PLCG2: variants seen among roughly 807,000 people sequenced by gnomAD.
PLCG2 encodes 1-phosphatidylinositol 4,5-bisphosphate phosphodiesterase gamma-2.
A neutral mutation model predicts 175.6 loss-of-function variants in PLCG2; 69 were observed. That is an observed-to-expected ratio of 0.39 (90% CI 0.32 to 0.48). The LOEUF (loss-of-function observed/expected upper bound fraction) is 0.48. Among genes scored for constraint, PLCG2 ranks in the 20% least tolerant of loss-of-function variants. The pLI is 0.91. For missense variants in PLCG2, 1,798 were observed against 1,650.9 expected, an observed-to-expected ratio of 1.09 and a Z score of -1.54; for synonymous variants, 827 against 624.0, an observed-to-expected ratio of 1.33 and a Z score of -4.85.
chr16:81,869,137 G>C (rs1907388583), intron 5 of PLCG2, 77 bp from the exon 6 acceptor site: 1 of 1,044,178 alleles, frequency 9.6e-7, no homozygotes, highest in Admixed American at 1.7e-5. Context: ...GCCTGAGGTG[G>C]GAACTGATGG....
At chr16:81,777,039 A>G (rs764478021), upstream of PLCG2, among the ~76,000 whole-genome samples, 2 of 152,222 alleles carry the variant, frequency 1.3e-5, no homozygotes, top group Admixed American at 6.5e-5. Flanking sequence ...AAAAAAAGCA[A>G]ACTGCCATTT....
At chr16:81,762,476 T>A (rs1360701159) in intron 2 of PLCG2, among the ~76,000 whole-genome samples, 2 of 151,494 alleles carry the variant, frequency 1.3e-5, no homozygotes, top group Non-Finnish European at 2.9e-5. Context: ...GGCTGAGGCA[T>A]GAGAATCGCT....
In PLCG2 at chr16:81,962,675, A is replaced by G. The variant is rs550992405; in HGVS notation, c.*4677A>G. On this transcript the variant is annotated 3_prime_UTR_variant, in exon 33 of 33. Transcript: ENST00000564138. ...TCACATTTTGAAAAATAAAAGTTTCATCTGAATGAATATAGCAATCTGCCC... is the reference window on the plus strand; with the variant it reads ...TCACATTTTGAAAAATAAAAGTTTCGTCTGAATGAATATAGCAATCTGCCC... 1.3e-4 allele frequency: 27 copies of G among 215,626 alleles called. No individual in the cohort carries two copies. The highest frequency in any genetic ancestry group is 5.8e-4 in the African/African-American group (26 of 44,526). 13.4% of individuals were successfully genotyped at this position (215,626 alleles called of 1,614,324 possible).
At chr16:81,826,682 C>T (rs966669837) in intron 2 of PLCG2, among the ~76,000 whole-genome samples, 2 of 152,132 alleles carry the variant, frequency 1.3e-5, no homozygotes, top group African/African-American at 4.8e-5. Flanking sequence ...TAACCTCTGT[C>T]CTTGGCGCTT....
chr16:81,870,742 C>T (rs1186222666), intron 6 of PLCG2, 110 bp from the exon 7 acceptor site: 11 of 578,476 alleles, frequency 1.9e-5, no homozygotes. Context: ...CTTCAGCATG[C>T]CAATAAAATA....
intron 2 of PLCG2, among the ~76,000 whole-genome samples, chr16:81,802,327 T>C (rs1911766134): frequency 6.6e-6 from 1 of 150,766 alleles, no homozygotes; most frequent in Non-Finnish European, 1.5e-5. Context: ...TTAGCCAGGA[T>C]GGTCTCGATC....
intron 28 of PLCG2, 142 bp from the exon 29 acceptor site, chr16:81,938,659 C>G (rs1172067075): frequency 3.3e-6 from 2 of 608,308 alleles, no homozygotes; most frequent in Non-Finnish European, 5.9e-6. Context: ...CAGAAGGTTG[C>G]TCCGGCTTTT....
chr16:81,862,943 G>A (rs1490004876), intron 5 of PLCG2, among the ~76,000 whole-genome samples: 1 of 151,872 alleles, frequency 6.6e-6, no homozygotes, highest in African/African-American at 2.4e-5. Context: ...GAGAGCTGGG[G>A]GAAATGCAGA....
At position 81,946,873 on chromosome 16, in the gene PLCG2, C is replaced by T. The variant is rs925357791; in HGVS notation, c.3570+610C>T. On this transcript the variant is annotated intron_variant, in intron 31 of 32. Transcript: ENST00000564138. ...CTGGGCTTTAGCAGAAGCCTTAAAC[C>T]AGTGAGCATGAAGACCCTTTGCTTA... 1.9e-4 allele frequency among the ~76,000 whole-genome samples: 29 copies of T among 151,432 alleles called. 1 individual carries two copies. The highest frequency in any genetic ancestry group is 1.2e-3 in the Admixed American group (19 of 15,238).
chr16:81,924,777 G>T (rs900498468), intron 22 of PLCG2, among the ~76,000 whole-genome samples: 7 of 152,218 alleles, frequency 4.6e-5, no homozygotes, highest in African/African-American at 1.7e-4. Flanking sequence ...TGCCCTGTTT[G>T]GCCTCCTTGC....
At chr16:81,782,244 A>ATG (rs79198598) in intron 1 of PLCG2, among the ~76,000 whole-genome samples, 128,466 of 151,940 alleles carry the variant, frequency 0.85, 54,381 homozygotes, top group South Asian at 0.95. Context: ...ATACAAGAAA[A>ATG]ACCTTTAGAA....
At chr16:81,945,941 T>C (rs1157186000) in intron 30 of PLCG2, among the ~76,000 whole-genome samples, 3 of 152,182 alleles carry the variant, frequency 2.0e-5, no homozygotes, top group African/African-American at 4.8e-5. Flanking sequence ...TATTTCTAGA[T>C]GGTAGATATT....
At position 81,839,145 on chromosome 16, in the gene PLCG2, C is replaced by G. The variant is rs1905687228; in HGVS notation, c.194-15299C>G. 2.0e-5 allele frequency among the ~76,000 whole-genome samples: 3 copies of G among 152,050 alleles called. No homozygotes were observed. In the South Asian group the frequency reaches 6.2e-4, roughly 32 times the overall value. ...GTATATGGTGAGTGTTACTGGTTTT[C>G]TTTTTGCCAAAAACATAAAATCACT... On this transcript the variant is annotated intron_variant, in intron 2 of 32. Coordinates refer to ENST00000564138, the MANE Select transcript of PLCG2 (RefSeq NM_002661.5).
At chr16:81,773,553 C>T (rs1910328762) in intron 2 of PLCG2, among the ~76,000 whole-genome samples, 1 of 152,178 alleles carries the variant, frequency 6.6e-6, no homozygotes, top group African/African-American at 2.4e-5. Flanking sequence ...CACTATTGCT[C>T]TTGGCTTTCA....
intron 32 of PLCG2, among the ~76,000 whole-genome samples, chr16:81,957,282 G>C (rs1477764310): frequency 2.0e-5 from 3 of 151,914 alleles, no homozygotes; most frequent in African/African-American, 4.8e-5. Context: ...CTGGGCACCA[G>C]AGGGAGACTC....
intron 19 of PLCG2, among the ~76,000 whole-genome samples, chr16:81,913,648 G>C (rs2143666187): frequency 6.6e-6 from 1 of 152,350 alleles, no homozygotes; most frequent in Non-Finnish European, 1.5e-5. Flanking sequence ...AACTCAGATT[G>C]CTTCTTGTGA....
intron 10 of PLCG2, among the ~76,000 whole-genome samples, chr16:81,890,600 G>A (rs1311773473): frequency 6.6e-6 from 1 of 152,194 alleles, no homozygotes; most frequent in African/African-American, 2.4e-5. Context: ...AACAGAATGC[G>A]AAGGTGTCTG....
chr16:81,948,315 C>T (rs902989545), intron 31 of PLCG2, among the ~76,000 whole-genome samples: 8 of 152,078 alleles, frequency 5.3e-5, no homozygotes, highest in South Asian at 2.1e-4. Flanking sequence ...GGTGAGATCC[C>T]GAAGAATGGG....
At chr16:81,749,981 C>G (rs909130888) in intron 1 of PLCG2, among the ~76,000 whole-genome samples, 6 of 151,746 alleles carry the variant, frequency 4.0e-5, no homozygotes, top group Non-Finnish European at 7.4e-5. Flanking sequence ...GATTTGCTGA[C>G]CTAGAAAGAG....
Sources: allele counts gnomAD v4.1 joint callset (sites outside exome capture counted in the v4.1 genomes callset), GRCh38; gene constraint gnomAD v4.1.1; transcripts MANE v1.5; gene names NCBI Gene and HGNC (gene_info 2026-07-23, HGNC 2026-07-21).